The following RIPOR3 variants were observed in gnomAD, a reference collection of about 807,000 sequenced individuals.
The protein encoded by RIPOR3 is RIPOR family member 3, also known as family with sequence similarity 65 member C.
A neutral mutation model predicts 114.3 loss-of-function variants in RIPOR3; 95 were observed. That is an observed-to-expected ratio of 0.83 (90% CI 0.70 to 0.99). RIPOR3 has a LOEUF of 0.99. Among genes scored for constraint, RIPOR3 ranks in the 50% least tolerant of loss-of-function variants. The pLI is 0.00. For missense variants in RIPOR3, 1,252 were observed against 1,266.9 expected (o/e 0.99, Z 0.18); for synonymous variants, 575 against 543.8 (o/e 1.06, Z -0.80).
chr20:50,587,482 C>T (rs1030478777), intron 21 of RIPOR3, 150 bp from the exon 22 acceptor site: 5 of 669,874 alleles, frequency 7.5e-6, no homozygotes, highest in Non-Finnish European at 1.3e-5. Flanking sequence ...GGAGCCCCCA[C>T]CTGGTGACTC....
rs918992809 is a variant in RIPOR3, at chr20:50,586,254, A to G, written c.*978T>C. 1 of 153,972 alleles carries G rather than the reference A, an allele frequency of 6.5e-6. No individual in the cohort carries two copies. The highest frequency in any genetic ancestry group is 2.0e-4 in the South Asian group (1 of 4,988). 9.5% of individuals were successfully genotyped at this position (153,972 alleles called of 1,614,324 possible). ...AGAATGTTCAAGTTAAAGTTCTCCA[A>G]TGCCATTGCTACAGCAACCTCAAAC... On this transcript the variant is annotated 3_prime_UTR_variant, in exon 22 of 22. Coordinates refer to ENST00000327979, the MANE Select transcript of RIPOR3 (RefSeq NM_001290268.2).
At chr20:50,615,866 C>T (rs935053525) in intron 4 of RIPOR3, 136 bp downstream of exon 4, 11 of 775,830 alleles carry the variant, frequency 1.4e-5, no homozygotes, top group Admixed American at 2.8e-5. Flanking sequence ...CTCAGTGCAA[C>T]GTGAAGAGGC....
chr20:50,594,941 C>CT (rs2083237994), intron 16 of RIPOR3: 1 of 540,724 alleles, frequency 1.8e-6, no homozygotes, highest in South Asian at 2.6e-5. Context: ...GGAGGGGCTG[C>CT]TGTCACCAGC....
chr20:50,625,317 C>G (rs1293665028), intron 2 of RIPOR3, among the ~76,000 whole-genome samples: 6 of 152,220 alleles, frequency 3.9e-5, no homozygotes, highest in Non-Finnish European at 2.9e-5. Flanking sequence ...AGTGATCCGC[C>G]TGCCTTGGCC....
Position 50,667,159 on chromosome 20 carries a change from C to T in RIPOR3, c.3+23967G>A, listed in dbSNP as rs570026805. Among the ~76,000 whole-genome samples the T allele has an allele frequency of 3.3e-5, 5 of 152,162 alleles. No individual in the cohort carries two copies. The East Asian group carries it at 7.7e-4, about 23-fold the overall frequency. Reference sequence around the variant, plus strand: ...GAAGGGAACATTAACCATCAGCCGGCAAAGTTAAAATTCCCCTCCAGCCCA... The same window carrying T: ...GAAGGGAACATTAACCATCAGCCGGTAAAGTTAAAATTCCCCTCCAGCCCA... On this transcript the variant is annotated intron_variant, in intron 1 of 21. Coordinates refer to ENST00000327979, the MANE Select transcript of RIPOR3 (RefSeq NM_001290268.2).
At chr20:50,642,351 T>G (rs1409746417) in intron 1 of RIPOR3, among the ~76,000 whole-genome samples, 6 of 72,074 alleles carry the variant, frequency 8.3e-5, no homozygotes, top group African/African-American at 3.4e-4. Context: ...TGTGGGTGTG[T>G]GTGTGTGTGT....
chr20:50,592,580 C>T (rs746739039), intron 18 of RIPOR3, 34 bp from the exon 19 acceptor site: 44 of 1,441,290 alleles, frequency 3.1e-5, no homozygotes, highest in Non-Finnish European at 3.9e-5. Context: ...CCCAGGTCCC[C>T]TGAATGGGAG....
rs1466341916 is a variant in RIPOR3 at position 50,594,549 on chromosome 20, C to T, written c.2212+4G>A. 6.2e-7 allele frequency: 1 copy of T among 1,612,674 alleles called. No homozygotes were observed. The highest frequency in any genetic ancestry group is 1.3e-5 in the African/African-American group (1 of 74,882). On this transcript the variant is annotated splice_donor_region_variant and intron_variant, in intron 17 of 21. Transcript: ENST00000327979. Reference sequence around the variant, plus strand: ...AGGGGACGACAGGACAGAAGGGAACCCACCTATTTCCAGCTGTCCTGGGTA... The same window carrying T: ...AGGGGACGACAGGACAGAAGGGAACTCACCTATTTCCAGCTGTCCTGGGTA...
chr20:50,659,937 G>A (rs2085940643), intron 1 of RIPOR3: 1 of 152,242 alleles, frequency 6.6e-6, no homozygotes, highest in Admixed American at 6.5e-5. Flanking sequence ...GGACCCCGGA[G>A]AGACCATTCA....
At chr20:50,596,685 G>C (rs1601457912) in intron 14 of RIPOR3, among the ~76,000 whole-genome samples, 1 of 152,222 alleles carries the variant, frequency 6.6e-6, no homozygotes, top group African/African-American at 2.4e-5. Flanking sequence ...GTAGAGGCTA[G>C]ACCTGCTGCC....
intron 1 of RIPOR3, among the ~76,000 whole-genome samples, chr20:50,669,860 TG>T (rs1180067417): frequency 6.8e-6 from 1 of 146,348 alleles, no homozygotes; most frequent in Non-Finnish European, 1.5e-5. Flanking sequence ...GAGGGGGCTC[TG>T]AAAAAAAAAA....
At chr20:50,634,604 T>G (rs1437063051) in intron 1 of RIPOR3, among the ~76,000 whole-genome samples, 1 of 152,194 alleles carries the variant, frequency 6.6e-6, no homozygotes, top group Non-Finnish European at 1.5e-5. Context: ...AAGGAAAGGT[T>G]GACGCTGCTT....
Position 50,595,432 on chromosome 20 carries a change from C to G in RIPOR3, c.1987G>C (p.Val663Leu). ...LLEEVAQQKH[V>L]LETLSVLDFE... is the part of the protein sequence containing the mutation. ...TCAAGGACAGAAAGTGTCTCCAGAA[C>G]GTGCTTTTGCTGTGCCACTTCTTCC... Residue 663 changes from valine to leucine, a missense_variant, in exon 16 of 22, where the codon GTT becomes CTT. Physicochemically the swap from Val to Leu is conservative, Grantham distance 32. Coordinates refer to ENST00000327979, the MANE Select transcript of RIPOR3 (RefSeq NM_001290268.2). 1 of 1,614,178 alleles carries G rather than the reference C, an allele frequency of 6.2e-7. No homozygotes were observed. The highest frequency in any genetic ancestry group is 1.3e-5 in the African/African-American group (1 of 75,054).
At chr20:50,618,137 G>A (rs1335187764) in intron 3 of RIPOR3, among the ~76,000 whole-genome samples, 1 of 151,730 alleles carries the variant, frequency 6.6e-6, no homozygotes, top group Non-Finnish European at 1.5e-5. Context: ...CGTGGTGGCA[G>A]ATGCCTGTAG....
chr20:50,652,590 C>CAAAAAAAAAAAAAAAAAAAAAAAAAA (rs11470456), intron 1 of RIPOR3, among the ~76,000 whole-genome samples: 2 of 87,312 alleles, frequency 2.3e-5, no homozygotes, highest in Non-Finnish European at 4.5e-5. Context: ...GATTCTGTCT[C>CAAAAAAAAAAAAAAAAAAAAAAAAAA]AAAAAAAAAA....
intron 1 of RIPOR3, among the ~76,000 whole-genome samples, chr20:50,635,698 G>C (rs570013301): frequency 6.6e-6 from 1 of 152,250 alleles, no homozygotes; most frequent in South Asian, 2.1e-4. Context: ...AGGAAAGGAA[G>C]AAAAGAAGGA....
chr20:50,622,744 G>C (rs1278365719), intron 2 of RIPOR3, among the ~76,000 whole-genome samples: 1 of 152,064 alleles, frequency 6.6e-6, no homozygotes, highest in African/African-American at 2.4e-5. Context: ...TGCATTTTGG[G>C]GGTCCTTTTA....
At chr20:50,656,788 G>A (rs536693714) in intron 1 of RIPOR3, among the ~76,000 whole-genome samples, 3 of 152,260 alleles carry the variant, frequency 2.0e-5, no homozygotes, top group Non-Finnish European at 2.9e-5. Flanking sequence ...GTGAGCTACC[G>A]TGCCCGGCCA....
At chr20:50,638,554 C>T (rs1478203898) in intron 1 of RIPOR3, among the ~76,000 whole-genome samples, 2 of 152,298 alleles carry the variant, frequency 1.3e-5, no homozygotes, top group East Asian at 3.9e-4. Flanking sequence ...CCAGGGGTCA[C>T]CTTGAAGACA....
Sources: allele counts gnomAD v4.1 joint callset (sites outside exome capture counted in the v4.1 genomes callset), GRCh38; gene constraint gnomAD v4.1.1; transcripts MANE v1.5; gene names NCBI Gene and HGNC (gene_info 2026-07-23, HGNC 2026-07-21).